Variants in GREM2 observed in about 807,000 individuals in gnomAD.
GREM2 encodes the protein gremlin 2, DAN family BMP antagonist.
GREM2 carries 11 observed loss-of-function variants against 14.2 expected under a neutral mutation model. That is an observed-to-expected ratio of 0.78 (90% CI 0.49 to 1.28). The LOEUF is 1.28. Ranked by LOEUF, GREM2 falls within the 50% of genes most tolerant of loss-of-function variation. The pLI is 0.00. For synonymous variants in GREM2, 98 were observed against 97.6 expected, an observed-to-expected ratio of 1.00 and a Z score of -0.02; for missense variants, 210 against 218.5, an observed-to-expected ratio of 0.96 and a Z score of 0.24.
At chr1:240,510,202 C>T (rs376903177) in intron 1 of GREM2, among the ~76,000 whole-genome samples, 439 of 151,498 alleles carry the variant, frequency 2.9e-3, no homozygotes, top group African/African-American at 9.1e-3. Context: ...ACCCCGTCTC[C>T]ACTAAAAATA....
At position 240,553,170 on chromosome 1, in the gene GREM2, C is replaced by T. The variant is rs968910610; in HGVS notation, c.-2+58714G>A. 2.0e-5 allele frequency among the ~76,000 whole-genome samples: 3 copies of T among 152,144 alleles called. 1 individual carries two copies. Among genetic ancestry groups the T allele is most frequent in the South Asian group, 4.1e-4 (2 of 4,826 alleles). ...AAGTGAGACAGCTGGTCTTTTCAGA[C>T]ATCGGGTGAAGCTATGCAAAGTCAA... On this transcript the variant is annotated intron_variant, in intron 1 of 1. Coordinates refer to ENST00000318160, the MANE Select transcript of GREM2 (RefSeq NM_022469.4).
intron 1 of GREM2, among the ~76,000 whole-genome samples, chr1:240,519,819 G>T (rs9428484): frequency 0.4 from 60,989 of 151,948 alleles, 12,594 homozygotes; most frequent in East Asian, 0.72. Context: ...GGTGGCTCAC[G>T]CCTGTAATCC....
intron 1 of GREM2, among the ~76,000 whole-genome samples, chr1:240,579,679 C>A (rs186515131): frequency 8.1e-4 from 123 of 152,234 alleles, no homozygotes; most frequent in African/African-American, 2.9e-3. Context: ...TGGGATTGGA[C>A]AAAATGCTCA....
At chr1:240,525,450 G>A (rs1411631825) in intron 1 of GREM2, among the ~76,000 whole-genome samples, 8 of 152,064 alleles carry the variant, frequency 5.3e-5, no homozygotes, top group African/African-American at 1.4e-4. Context: ...TATGGCAGCC[G>A]TAGCAAAGGG....
intron 1 of GREM2, among the ~76,000 whole-genome samples, chr1:240,532,520 T>A (rs1678383621): frequency 6.6e-6 from 1 of 152,124 alleles, no homozygotes; most frequent in Non-Finnish European, 1.5e-5. Context: ...AAAAGACTAA[T>A]CAATATAAAA....
At chr1:240,521,024 A>C (rs1678072765) in intron 1 of GREM2, among the ~76,000 whole-genome samples, 2 of 152,098 alleles carry the variant, frequency 1.3e-5, no homozygotes, top group South Asian at 4.1e-4. Flanking sequence ...TTGGAAAAGC[A>C]GGACAACATA....
chr1:240,561,693 T>TACACACACACACACACACAC (rs541661990), intron 1 of GREM2, among the ~76,000 whole-genome samples: 2 of 145,630 alleles, frequency 1.4e-5, no homozygotes, highest in African/African-American at 5.0e-5. Context: ...TAATCCTGCA[T>TACACACACACACACACACAC]ACACACACAC....
chr1:240,496,125 C>G (rs1558136273), intron 1 of GREM2, among the ~76,000 whole-genome samples: 1 of 152,012 alleles, frequency 6.6e-6, no homozygotes, highest in Non-Finnish European at 1.5e-5. Context: ...TTAGTAGAGA[C>G]AGGGTTTCAC....
At chr1:240,501,678 G>A (rs1168846166) in intron 1 of GREM2, among the ~76,000 whole-genome samples, 1 of 152,098 alleles carries the variant, frequency 6.6e-6, no homozygotes, top group Non-Finnish European at 1.5e-5. Flanking sequence ...ATCCATGTGC[G>A]GATGGGAGGG....
chr1:240,551,409 C>T (rs996895766), intron 1 of GREM2, among the ~76,000 whole-genome samples: 8 of 152,024 alleles, frequency 5.3e-5, no homozygotes, highest in Non-Finnish European at 7.4e-5. Flanking sequence ...TGTGCAATGG[C>T]GCAATCTCGG....
At chr1:240,510,369 CAAAAAAAAAAAAAAAAAA>C (rs71170753) in intron 1 of GREM2, among the ~76,000 whole-genome samples, 1 of 59,540 alleles carries the variant, frequency 1.7e-5, no homozygotes, top group East Asian at 7.4e-4. Flanking sequence ...GACTCCGTCG[CAAAAAAAAAAAAAAAAAA>C]AAAAAAAAAA....
chr1:240,507,524 G>A (rs563477178), intron 1 of GREM2, among the ~76,000 whole-genome samples: 1 of 152,062 alleles, frequency 6.6e-6, no homozygotes, highest in Non-Finnish European at 1.5e-5. Context: ...GTAGAGACAG[G>A]GTTTCACCAT....
At chr1:240,510,294 G>T (rs374179911) in intron 1 of GREM2, among the ~76,000 whole-genome samples, 6 of 142,178 alleles carry the variant, frequency 4.2e-5, no homozygotes, top group Admixed American at 7.8e-5. Flanking sequence ...GGCGTGAACC[G>T]GGGAGGCGGA....
intron 1 of GREM2, among the ~76,000 whole-genome samples, chr1:240,598,934 C>CCCATCCAT (rs147882767): frequency 6.6e-6 from 1 of 151,608 alleles, no homozygotes; most frequent in Non-Finnish European, 1.5e-5. Flanking sequence ...CACTTACCCA[C>CCCATCCAT]CCATCCATCC....
intron 1 of GREM2, among the ~76,000 whole-genome samples, chr1:240,609,040 G>T: frequency 6.6e-6 from 1 of 152,212 alleles, no homozygotes; most frequent in Middle Eastern, 3.4e-3. Flanking sequence ...AAATATTCAG[G>T]ATGTCTCATC....
chr1:240,545,074 A>G (rs1216272630), intron 1 of GREM2, among the ~76,000 whole-genome samples: 1 of 152,212 alleles, frequency 6.6e-6, no homozygotes, highest in African/African-American at 2.4e-5. Context: ...ATGTTGTCTG[A>G]TGGCTGGAGG....
At chr1:240,519,978 G>A (rs140579239) in intron 1 of GREM2, among the ~76,000 whole-genome samples, 18,299 of 152,112 alleles carry the variant, frequency 0.12, 1,381 homozygotes, top group South Asian at 0.19. Context: ...TACTCAGGAG[G>A]CTGAGGCATG....
chr1:240,546,716 T>C (rs779566930), intron 1 of GREM2, among the ~76,000 whole-genome samples: 9 of 152,312 alleles, frequency 5.9e-5, no homozygotes, highest in Non-Finnish European at 1.0e-4. Flanking sequence ...GTTAACACTG[T>C]CCATGGTATC....
In GREM2 at chr1:240,495,152, G is replaced by T. The variant is rs1036952717; in HGVS notation, c.-1-1676C>A. On this transcript the variant is annotated intron_variant, in intron 1 of 1. Coordinates refer to ENST00000318160, the MANE Select transcript of GREM2 (RefSeq NM_022469.4). The stretch of plus-strand genomic sequence containing the variant: ...TTAAATTTTTGTATTTTTAGTAGTA[G>T]CCCCAAGGAACACTAATACCCAGCA... Among the ~76,000 whole-genome samples the T allele has an allele frequency of 1.6e-4, 24 of 152,284 alleles. No homozygotes were observed. The East Asian group carries it at 2.1e-3, about 13-fold the overall frequency.
Sources: gnomAD v4.1 joint callset for allele counts (sites outside exome capture counted in the v4.1 genomes callset) on GRCh38, gnomAD v4.1.1 for gene constraint, MANE v1.5 for transcripts, NCBI Gene and HGNC (gene_info 2026-07-23, HGNC 2026-07-21) for gene names.